The following BMP6 variants were observed in gnomAD, a reference collection of about 807,000 sequenced individuals.
The protein encoded by BMP6 is bone morphogenetic protein 6, also known as VG-1-R.
In BMP6, 17 loss-of-function variants were observed where a neutral mutation model predicts 54.1. The observed-to-expected ratio is 0.31, with a 90% confidence interval of 0.22 to 0.47. The LOEUF is 0.47. BMP6 is among the 20% of genes least tolerant of loss of function. BMP6 has a pLI of 1.00. For synonymous variants in BMP6, 328 were observed against 291.2 expected, an observed-to-expected ratio of 1.13 and a Z score of -1.28; for missense variants, 720 against 690.4, an observed-to-expected ratio of 1.04 and a Z score of -0.48.
chr6:7,786,839 G>A (rs1758027620), intron 1 of BMP6, among the ~76,000 whole-genome samples: 1 of 152,144 alleles, frequency 6.6e-6, no homozygotes, highest in Non-Finnish European at 1.5e-5. Context: ...GTTTCCCTGA[G>A]GGCACAGCAA....
At chr6:7,854,297 C>A (rs1018070114) in intron 2 of BMP6, among the ~76,000 whole-genome samples, 1 of 151,714 alleles carries the variant, frequency 6.6e-6, no homozygotes, top group Non-Finnish European at 1.5e-5. Context: ...ACTTTGTAAC[C>A]CCATAAATAG....
At chr6:7,785,456 A>G (rs1394359738) in intron 1 of BMP6, among the ~76,000 whole-genome samples, 1 of 152,202 alleles carries the variant, frequency 6.6e-6, no homozygotes, top group African/African-American at 2.4e-5. Context: ...GTGTTTTATT[A>G]TAGGATTTAA....
chr6:7,832,447 G>GGCC (rs1185627499), intron 1 of BMP6, among the ~76,000 whole-genome samples: 1 of 152,044 alleles, frequency 6.6e-6, no homozygotes, highest in African/African-American at 2.4e-5. Context: ...CCAGGGAAGA[G>GGCC]GCCCTCATCA....
chr6:7,854,452 A>C (rs543921876), intron 2 of BMP6, among the ~76,000 whole-genome samples: 1 of 152,174 alleles, frequency 6.6e-6, no homozygotes, highest in African/African-American at 2.4e-5. Flanking sequence ...GTGGAAATGT[A>C]GGGTTGGTGA....
intron 2 of BMP6, among the ~76,000 whole-genome samples, chr6:7,848,020 C>T (rs992349793): frequency 6.6e-6 from 1 of 152,184 alleles, no homozygotes; most frequent in African/African-American, 2.4e-5. Context: ...GCAAAAATTA[C>T]ATTGGCAAGG....
At chr6:7,775,562 G>A (rs1307040641) in intron 1 of BMP6, among the ~76,000 whole-genome samples, 1 of 152,204 alleles carries the variant, frequency 6.6e-6, no homozygotes, top group Non-Finnish European at 1.5e-5. Context: ...ATCTCCTAGT[G>A]ATTAAAATAG....
At chr6:7,740,622 A>G (rs1762028560) in intron 1 of BMP6, among the ~76,000 whole-genome samples, 1 of 152,196 alleles carries the variant, frequency 6.6e-6, no homozygotes, top group South Asian at 2.1e-4. Flanking sequence ...ATTAACAAGC[A>G]GCTTCTTGGA....
chr6:7,834,664 G>A (rs1248114751), intron 1 of BMP6, among the ~76,000 whole-genome samples: 1 of 151,122 alleles, frequency 6.6e-6, no homozygotes, highest in Non-Finnish European at 1.5e-5. Flanking sequence ...AAAATAGCGA[G>A]GTGCCAACCC....
intron 1 of BMP6, among the ~76,000 whole-genome samples, chr6:7,749,002 A>C (rs2113126715): frequency 6.6e-6 from 1 of 152,348 alleles, no homozygotes; most frequent in Middle Eastern, 3.4e-3. Flanking sequence ...GACCTGTAGT[A>C]CCACCATTTT....
At chr6:7,776,712 G>A (rs1757865004) in intron 1 of BMP6, among the ~76,000 whole-genome samples, 1 of 152,210 alleles carries the variant, frequency 6.6e-6, no homozygotes, top group African/African-American at 2.4e-5. Context: ...GTGCAGTGGT[G>A]CAATCATGAT....
intron 1 of BMP6, among the ~76,000 whole-genome samples, chr6:7,814,874 C>T (rs1758503181): frequency 1.3e-5 from 2 of 152,112 alleles, no homozygotes; most frequent in South Asian, 4.1e-4. Flanking sequence ...GCATGCAGGG[C>T]TTAAAACCTA....
intron 1 of BMP6, among the ~76,000 whole-genome samples, chr6:7,785,796 GTGA>G (rs1458498849): frequency 2.6e-5 from 4 of 152,206 alleles, no homozygotes; most frequent in African/African-American, 9.7e-5. Context: ...TCAAGAGAAC[GTGA>G]AGAAATATGT....
chr6:7,813,150 A>ATATATAT (rs1233358730), intron 1 of BMP6, among the ~76,000 whole-genome samples: 12 of 89,634 alleles, frequency 1.3e-4, no homozygotes, highest in African/African-American at 3.9e-4. Flanking sequence ...TATATATATA[A>ATATATAT]AATTAGTGGG....
At chr6:7,836,225 A>G (rs770252018) in intron 1 of BMP6, among the ~76,000 whole-genome samples, 4 of 152,092 alleles carry the variant, frequency 2.6e-5, no homozygotes, top group Non-Finnish European at 5.9e-5. Context: ...AAAAATGACT[A>G]TTAACCCTTT....
At chr6:7,795,977 A>G (rs868080755) in intron 1 of BMP6, among the ~76,000 whole-genome samples, 1 of 152,196 alleles carries the variant, frequency 6.6e-6, no homozygotes, top group African/African-American at 2.4e-5. Flanking sequence ...GGGAGATAGC[A>G]AGTACGCAGT....
chr6:7,849,627 G>GT (rs1759113969), intron 2 of BMP6, among the ~76,000 whole-genome samples: 1 of 152,068 alleles, frequency 6.6e-6, no homozygotes, highest in African/African-American at 2.4e-5. Flanking sequence ...TTTCTTCTAC[G>GT]TTTTTTACTT....
chr6:7,732,218 C>T (rs183744131), intron 1 of BMP6, among the ~76,000 whole-genome samples: 1 of 149,690 alleles, frequency 6.7e-6, no homozygotes, highest in Non-Finnish European at 1.5e-5. Context: ...AAGCTACTCA[C>T]AGCAAAAACA....
chr6:7,833,183 G>A (rs1758817271), intron 1 of BMP6, among the ~76,000 whole-genome samples: 1 of 152,170 alleles, frequency 6.6e-6, no homozygotes, highest in South Asian at 2.1e-4. Context: ...TGAGATGATG[G>A]AAGCATCCAA....
chr6:7,863,085 G>A (rs1050508577), intron 4 of BMP6, among the ~76,000 whole-genome samples: 2 of 152,090 alleles, frequency 1.3e-5, no homozygotes, highest in Non-Finnish European at 2.9e-5. Flanking sequence ...TGCAAGCTCC[G>A]CCTCCTGGGT....
Sources: allele counts gnomAD v4.1 joint callset (sites outside exome capture counted in the v4.1 genomes callset), GRCh38; gene constraint gnomAD v4.1.1; transcripts MANE v1.5; gene names NCBI Gene and HGNC (gene_info 2026-07-23, HGNC 2026-07-21).